The following FHIT variants were observed in gnomAD, a reference collection of about 807,000 sequenced individuals.
The protein encoded by FHIT is fragile histidine triad diadenosine triphosphatase, also known as bis(5'-adenosyl)-triphosphatase.
A neutral mutation model predicts 17.9 loss-of-function variants in FHIT; 19 were observed. The ratio of observed to expected loss-of-function variants is 1.06; its 90% CI spans 0.74 to 1.56. The LOEUF (loss-of-function observed/expected upper bound fraction) is 1.56, where lower values mean the gene tolerates loss of function less well. FHIT is among the 40% of genes most tolerant of loss of function. The pLI, the probability that FHIT is intolerant of heterozygous loss-of-function variation, is 0.00. For missense variants in FHIT, 248 were observed against 189.2 expected (o/e 1.31, Z -1.82); for synonymous variants, 81 against 69.7 (o/e 1.16, Z -0.81).
At chr3:60,827,042 A>G (rs1702150419) in intron 3 of FHIT, among the ~76,000 whole-genome samples, 1 of 152,106 alleles carries the variant, frequency 6.6e-6, no homozygotes, top group Non-Finnish European at 1.5e-5. Context: ...AGTTTGCTTT[A>G]GGATAATTCA....
At chr3:60,459,776 C>G (rs2032341538) in intron 5 of FHIT, among the ~76,000 whole-genome samples, 1 of 152,184 alleles carries the variant, frequency 6.6e-6, no homozygotes. Context: ...TTAAGGCACT[C>G]TCAGTTCATT....
At chr3:60,947,468 T>G (rs562345557) in intron 3 of FHIT, among the ~76,000 whole-genome samples, 1 of 152,342 alleles carries the variant, frequency 6.6e-6, no homozygotes, top group South Asian at 2.1e-4. Context: ...TAAAAGATTT[T>G]GTTGTCATTT....
chr3:61,063,001 G>C (rs1025137957), intron 2 of FHIT, among the ~76,000 whole-genome samples: 4 of 151,996 alleles, frequency 2.6e-5, no homozygotes, highest in African/African-American at 7.2e-5. Context: ...TCTTCGTCAA[G>C]ATTAGTTTTA....
At chr3:60,402,766 G>T (rs1369603205) in intron 5 of FHIT, among the ~76,000 whole-genome samples, 1 of 152,124 alleles carries the variant, frequency 6.6e-6, no homozygotes, top group Non-Finnish European at 1.5e-5. Flanking sequence ...TAGAATTTTA[G>T]TTTCTTGAGG....
At chr3:60,498,665 C>T (rs1484947509) in intron 5 of FHIT, among the ~76,000 whole-genome samples, 2 of 152,172 alleles carry the variant, frequency 1.3e-5, no homozygotes, top group Non-Finnish European at 2.9e-5. Flanking sequence ...TTGTACTCCA[C>T]TGCACTAGGC....
intron 5 of FHIT, among the ~76,000 whole-genome samples, chr3:60,281,021 A>G: frequency 6.6e-6 from 1 of 152,278 alleles, no homozygotes; most frequent in Non-Finnish European, 1.5e-5. Flanking sequence ...TATCCTGAAA[A>G]AAACAGGATA....
chr3:59,920,672 C>G (rs943244352), intron 8 of FHIT, among the ~76,000 whole-genome samples: 1 of 152,186 alleles, frequency 6.6e-6, no homozygotes, highest in Non-Finnish European at 1.5e-5. Flanking sequence ...ATATAATTCA[C>G]GTGCTAATTT....
intron 5 of FHIT, among the ~76,000 whole-genome samples, chr3:60,308,787 G>A (rs1708805325): frequency 6.6e-6 from 1 of 152,108 alleles, no homozygotes; most frequent in East Asian, 1.9e-4. Flanking sequence ...CTCTATAACT[G>A]ATCACCAAAA....
At chr3:61,131,331 A>G (rs1229197103) in intron 2 of FHIT, among the ~76,000 whole-genome samples, 3 of 152,190 alleles carry the variant, frequency 2.0e-5, no homozygotes, top group Admixed American at 1.3e-4. Context: ...AGTGGACATC[A>G]GCATCAGTAA....
At chr3:60,962,674 T>C (rs1553781478) in intron 3 of FHIT, among the ~76,000 whole-genome samples, 1 of 152,234 alleles carries the variant, frequency 6.6e-6, no homozygotes, top group Non-Finnish European at 1.5e-5. Flanking sequence ...CTTTTCTGCA[T>C]CTACTGAGAT....
chr3:60,344,890 A>T (rs959860475), intron 5 of FHIT, among the ~76,000 whole-genome samples: 2 of 152,162 alleles, frequency 1.3e-5, no homozygotes, highest in African/African-American at 2.4e-5. Flanking sequence ...ATCATAAAAA[A>T]TTTCAAAGAC....
chr3:60,479,453 C>A (rs1329504215), intron 5 of FHIT, among the ~76,000 whole-genome samples: 1 of 152,162 alleles, frequency 6.6e-6, no homozygotes, highest in Admixed American at 6.5e-5. Context: ...TATAATGTAT[C>A]TGGAAAATTC....
intron 5 of FHIT, among the ~76,000 whole-genome samples, chr3:60,292,702 C>G (rs924157700): frequency 3.9e-5 from 6 of 151,936 alleles, no homozygotes; most frequent in African/African-American, 1.5e-4. Flanking sequence ...GACAGGAAAT[C>G]AAAGAATGAA....
intron 5 of FHIT, among the ~76,000 whole-genome samples, chr3:60,412,300 A>G (rs1326635242): frequency 6.6e-6 from 1 of 152,134 alleles, no homozygotes; most frequent in Non-Finnish European, 1.5e-5. Context: ...GGGAAAAGGC[A>G]TGTACTAGCT....
chr3:61,066,934 A>T (rs893790929), intron 2 of FHIT, among the ~76,000 whole-genome samples: 3 of 152,236 alleles, frequency 2.0e-5, no homozygotes, highest in African/African-American at 7.2e-5. Context: ...ACAACTGTCC[A>T]TCTGATAGAA....
intron 2 of FHIT, among the ~76,000 whole-genome samples, chr3:61,147,760 A>C (rs929521426): frequency 3.3e-5 from 5 of 152,166 alleles, no homozygotes; most frequent in South Asian, 2.1e-4. Flanking sequence ...CAGAAAAATA[A>C]ATGAAGTAAA....
intron 5 of FHIT, among the ~76,000 whole-genome samples, chr3:60,097,161 T>C (rs548151401): frequency 8.5e-5 from 13 of 152,128 alleles, no homozygotes; most frequent in East Asian, 3.9e-4. Flanking sequence ...CCCCAAATTT[T>C]AGTCCAGTTA....
intron 8 of FHIT, among the ~76,000 whole-genome samples, chr3:59,913,198 G>T (rs190426906): frequency 1.7e-3 from 254 of 152,220 alleles, no homozygotes; most frequent in South Asian, 6.2e-3. Context: ...TGTGTGTGTT[G>T]TGTGTCGTGT....
chr3:61,119,223 A>AT (rs796737175), intron 2 of FHIT, among the ~76,000 whole-genome samples: 3,729 of 147,616 alleles, frequency 0.025, 143 homozygotes, highest in African/African-American at 0.085. Flanking sequence ...TGTGATAGTA[A>AT]TTTTTTTTTT....
Sources: allele counts gnomAD v4.1 joint callset (sites outside exome capture counted in the v4.1 genomes callset), GRCh38; gene constraint gnomAD v4.1.1; transcripts MANE v1.5; gene names NCBI Gene and HGNC (gene_info 2026-07-23, HGNC 2026-07-21).